SLAMF1: variants seen among roughly 807,000 people sequenced by gnomAD.
The protein encoded by SLAMF1 is signaling lymphocytic activation molecule family member 1.
In SLAMF1, 18 loss-of-function variants were observed where a neutral mutation model predicts 35.1. That is an observed-to-expected ratio of 0.51 (90% CI 0.35 to 0.76). The LOEUF (loss-of-function observed/expected upper bound fraction) is 0.76, where lower values mean the gene tolerates loss of function less well. SLAMF1 is among the 30% of genes least tolerant of loss of function. The pLI is 0.01. For synonymous variants in SLAMF1, 168 were observed against 157.2 expected, an observed-to-expected ratio of 1.07 and a Z score of -0.51; for missense variants, 392 against 413.0, an observed-to-expected ratio of 0.95 and a Z score of 0.44.
At chr1:160,643,289 G>A (rs1660854586) in intron 1 of SLAMF1, among the ~76,000 whole-genome samples, 4 of 152,072 alleles carry the variant, frequency 2.6e-5, no homozygotes, top group Admixed American at 2.0e-4. Context: ...CAAGTCCTGG[G>A]ACTTGACTCC....
intron 3 of SLAMF1, among the ~76,000 whole-genome samples, chr1:160,633,721 T>A (rs1039419491): frequency 6.6e-6 from 1 of 152,160 alleles, no homozygotes; most frequent in Non-Finnish European, 1.5e-5. Context: ...ATCCAAGTGG[T>A]TAAATGGGCT....
Position 160,642,950 on chromosome 1 carries a change from T to C in SLAMF1, c.76+3920A>G, listed in dbSNP as rs1371738719. ...GGGGCTAAGTTTTTAATATTCATTT[T>C]TATTAACTTTATCCCAAATGTGCAC... On this transcript the variant is annotated intron_variant, in intron 1 of 6. Transcript: ENST00000302035. The surrounding 1 kb of genome is among the most constrained non-coding windows in gnomAD (Gnocchi z 4.2). 6.6e-6 allele frequency among the ~76,000 whole-genome samples: 1 copy of C among 152,360 alleles called. No homozygotes were observed. The highest frequency in any genetic ancestry group is 2.1e-4 in the South Asian group (1 of 4,828).
At chr1:160,645,969 G>A (rs1661022193) in intron 1 of SLAMF1, among the ~76,000 whole-genome samples, 1 of 152,058 alleles carries the variant, frequency 6.6e-6, no homozygotes, top group Non-Finnish European at 1.5e-5. Flanking sequence ...TCTACTCCAG[G>A]CTACCTCCCA....
At chr1:160,645,899 C>T (rs922138986) in intron 1 of SLAMF1, among the ~76,000 whole-genome samples, 6 of 152,050 alleles carry the variant, frequency 3.9e-5, no homozygotes, top group African/African-American at 1.2e-4. Context: ...GTCTTGAAAA[C>T]CCCAAGCTTA....
intron 3 of SLAMF1, chr1:160,634,325 G>A: frequency 1.5e-5 from 13 of 877,690 alleles, no homozygotes; most frequent in Non-Finnish European, 1.8e-5. Context: ...CTTGCAGGTT[G>A]GAGTCAAGGC....
At chr1:160,622,713 A>T (rs1393279836) in intron 4 of SLAMF1, among the ~76,000 whole-genome samples, 3 of 152,228 alleles carry the variant, frequency 2.0e-5, no homozygotes, top group Admixed American at 1.3e-4. Flanking sequence ...CGAGAAGTTA[A>T]GTCATTTGAT....
chr1:160,635,337 A>G (rs75463050), intron 2 of SLAMF1, among the ~76,000 whole-genome samples: 2,118 of 151,944 alleles, frequency 0.014, 16 homozygotes, highest in Non-Finnish European at 0.017. Flanking sequence ...GTGTGTGTGT[A>G]TGTGTGTGCG....
chr1:160,618,951 G>T (rs142349332), intron 5 of SLAMF1, among the ~76,000 whole-genome samples: 172 of 152,290 alleles, frequency 1.1e-3, no homozygotes, highest in African/African-American at 3.9e-3. Flanking sequence ...CTAGGGGACA[G>T]CAGAAATAAG....
At chr1:160,636,166 C>G (rs75516279) in intron 2 of SLAMF1, among the ~76,000 whole-genome samples, 4 of 152,178 alleles carry the variant, frequency 2.6e-5, no homozygotes, top group African/African-American at 9.7e-5. Flanking sequence ...GCATCCACAC[C>G]GTTTTGGAAA....
chr1:160,618,969 T>C (rs571588581), intron 5 of SLAMF1, among the ~76,000 whole-genome samples: 1 of 152,314 alleles, frequency 6.6e-6, no homozygotes, highest in Non-Finnish European at 1.5e-5. Flanking sequence ...AAGAACTTTG[T>C]TCAAGAGTCC....
Position 160,624,095 on chromosome 1 carries a change from C to T in SLAMF1, c.790+1G>A. ...GAATCTATTTATTGCCAGACACCTACCTCTTCTTCTCAACTGTAGTATTAC... is the reference window on the plus strand; with the variant it reads ...GAATCTATTTATTGCCAGACACCTATCTCTTCTTCTCAACTGTAGTATTAC... On this transcript the variant is annotated splice_donor_variant, in intron 4 of 6. Transcript: ENST00000302035. LOFTEE classifies it high-confidence loss of function. The T allele has an allele frequency of 1.3e-6, 2 of 1,588,486 alleles. No individual in the cohort carries two copies. Among genetic ancestry groups the T allele is most frequent in the Non-Finnish European group, 1.7e-6 (2 of 1,162,086 alleles).
chr1:160,633,631 C>G (rs1483817802), intron 3 of SLAMF1, among the ~76,000 whole-genome samples: 1 of 152,182 alleles, frequency 6.6e-6, no homozygotes, highest in African/African-American at 2.4e-5. Flanking sequence ...CAGAGCAACA[C>G]CCTGGTCCTA....
chr1:160,619,545 C>G lies in SLAMF1; in HGVS notation c.864+231G>C, dbSNP rs535078152. Among the ~76,000 whole-genome samples the G allele has an allele frequency of 9.2e-5, 14 of 152,288 alleles. No individual in the cohort carries two copies. The South Asian group carries it at 1.0e-3, about 11-fold the overall frequency. ...AGAGTCATACAGTATGTATTTCCAG[C>G]TTCTTCATTTTTTTCCTGTGAAGAC... On this transcript the variant is annotated intron_variant, in intron 5 of 6. Coordinates refer to ENST00000302035, the MANE Select transcript of SLAMF1 (RefSeq NM_003037.5).
chr1:160,635,386 A>C (rs75854879), intron 2 of SLAMF1, among the ~76,000 whole-genome samples: 1,716 of 152,162 alleles, frequency 0.011, 11 homozygotes, highest in Non-Finnish European at 0.016. Context: ...TGGGTGAGTG[A>C]GTGGGTGGGT....
Sources: allele counts gnomAD v4.1 joint callset (sites outside exome capture counted in the v4.1 genomes callset), GRCh38; gene constraint gnomAD v4.1.1; non-coding constraint Gnocchi (gnomAD v3.1); transcripts MANE v1.5; gene names NCBI Gene and HGNC (gene_info 2026-07-23, HGNC 2026-07-21).